ANKZF1: variants seen among roughly 807,000 people sequenced by gnomAD.
The protein encoded by ANKZF1 is ankyrin repeat and zinc finger peptidyl tRNA hydrolase 1, also known as tRNA endonuclease ANKZF1.
A neutral mutation model predicts 86.0 loss-of-function variants in ANKZF1; 84 were observed. That is an observed-to-expected ratio of 0.98 (90% CI 0.82 to 1.17). The LOEUF is 1.17. Among genes scored for constraint, ANKZF1 ranks in the 50% most tolerant of loss-of-function variants. ANKZF1 has a pLI of 0.00. For missense variants in ANKZF1, 893 were observed against 918.4 expected (o/e 0.97, Z 0.36); for synonymous variants, 331 against 354.2 (o/e 0.93, Z 0.74).
chr2:219,230,248 C>T lies in ANKZF1; in HGVS notation c.-10C>T. ...TCCAGGAGCTGCTGCTAAATAATTT[C>T]TGCTCAGCCATGTCGCCGGCTCCAG... On this transcript the variant is annotated 5_prime_UTR_variant, in exon 2 of 14. Transcript: ENST00000323348. The T allele has an allele frequency of 1.2e-6, 2 of 1,611,680 alleles. No homozygotes were observed. Among genetic ancestry groups the T allele is most frequent in the Non-Finnish European group, 1.7e-6 (2 of 1,178,408 alleles).
intron 3 of ANKZF1, 105 bp from the exon 4 acceptor site, chr2:219,232,155 T>G: frequency 7.1e-7 from 1 of 1,414,328 alleles, no homozygotes; most frequent in Non-Finnish European, 9.9e-7. Flanking sequence ...AGGCAGTTGG[T>G]GTTACCTGGT....
rs778803492 is a variant in ANKZF1 at position 219,235,959 on chromosome 2, T to C, written c.1972-51T>C. On this transcript the variant is annotated intron_variant, in intron 12 of 13. Transcript: ENST00000323348. Reference sequence around the variant, plus strand: ...CAGCGTGCAGCTGTCACCTCTTGGGTGCCCTACTCGCCACTGGGGCCTTGT... The same window carrying C: ...CAGCGTGCAGCTGTCACCTCTTGGGCGCCCTACTCGCCACTGGGGCCTTGT... The C allele has an allele frequency of 4.3e-6, 7 of 1,613,954 alleles. No homozygotes were observed. In the South Asian group the frequency reaches 7.7e-5, roughly 18 times the overall value.
At chr2:219,234,395 C>A in intron 9 of ANKZF1, 107 bp downstream of exon 9, 1 of 1,363,846 alleles carries the variant, frequency 7.3e-7, no homozygotes, top group Non-Finnish European at 1.0e-6. Flanking sequence ...AAACACACAC[C>A]CACAGTGTCT....
chr2:219,234,590 TTTCC>T, intron 9 of ANKZF1: 1 of 664,826 alleles, frequency 1.5e-6, no homozygotes, highest in Non-Finnish European at 2.5e-6. Flanking sequence ...GCTTCCATGC[TTTCC>T]TCTATTGTGC....
chr2:219,233,176 G>A lies in ANKZF1; in HGVS notation c.656G>A (p.Gly219Asp), dbSNP rs768414716. ...VLMAAAGHFA[G>D]AIFQGREVVT... ...ATGGCTGCAGCTGGGCACTTTGCTGGTGCTATATTTCAAGGGTGAGAGGGT... is the reference window on the plus strand; with the variant it reads ...ATGGCTGCAGCTGGGCACTTTGCTGATGCTATATTTCAAGGGTGAGAGGGT... The change falls in exon 6 of 14, where the codon GGT (glycine) becomes GAT (aspartate). Residue 219 changes from glycine (G) to aspartate (D), a missense_variant. Gly to Asp is a moderately conservative substitution (Grantham distance 94). Coordinates refer to ENST00000323348, the MANE Select transcript of ANKZF1 (RefSeq NM_018089.3). 53 of 1,614,118 alleles carry A rather than the reference G, an allele frequency of 3.3e-5. No homozygotes were observed. Among genetic ancestry groups the A allele is most frequent in the Non-Finnish European group, 4.3e-5 (51 of 1,180,046 alleles).
In ANKZF1 at chr2:219,233,377, C is replaced by T. The variant is rs1198500816; in HGVS notation, c.763C>T (p.Pro255Ser). ...AQGLRDARGGPSHSAGANLRR... is the reference protein window; with the variant it reads ...AQGLRDARGGSSHSAGANLRR... ...GGGGCTTCGGGATGCCCGAGGTGGG[C>T]CATCACACTCTGCTGGAGCCAACCT... Residue 255 changes from proline (P) to serine (S), a missense_variant, in exon 7 of 14, where the codon CCA (proline) becomes TCA (serine). Physicochemically the swap from Pro to Ser is moderately conservative, Grantham distance 74. Transcript: ENST00000323348. 6.2e-7 allele frequency: 1 copy of T among 1,614,190 alleles called. No individual in the cohort carries two copies. The highest frequency in any genetic ancestry group is 2.2e-5 in the East Asian group (1 of 44,880).
rs1275488533 is a variant in ANKZF1 at position 219,232,022 on chromosome 2, C to T, written c.243C>T (p.Phe81=). 1.9e-6 allele frequency: 3 copies of T among 1,607,848 alleles called. No individual in the cohort carries two copies. Among genetic ancestry groups the T allele is most frequent in the African/African-American group, 2.7e-5 (2 of 74,166 alleles). ...TTTGTTCAACTTGTGACCAGACCTT[C>T]CAGAACCACCAAGAACAGGTAATAG... ...KLFCSTCDQT[F]QNHQEQREHY... is the part of the protein sequence containing the mutation. Residue 81 remains phenylalanine (F), a synonymous_variant, in exon 3 of 14, where the codon TTC becomes TTT. Coordinates refer to ENST00000323348, the MANE Select transcript of ANKZF1 (RefSeq NM_018089.3).
At position 219,235,507 on chromosome 2, in the gene ANKZF1, G is replaced by T; in HGVS notation, c.1725G>T (p.Ala575=). The change falls in exon 11 of 14, where the codon GCG becomes GCT. Residue 575 remains alanine, a synonymous_variant. Transcript: ENST00000323348. The part of the protein sequence containing the change: ...DSRARPPYTV[A]ADKSTRNEFR... Reference sequence around the variant, plus strand: ...GGGCCCGGCCACCTTATACTGTTGCGGCTGACAAATCAACACGTAATGAGT... The same window carrying T: ...GGGCCCGGCCACCTTATACTGTTGCTGCTGACAAATCAACACGTAATGAGT... 1 of 1,613,898 alleles carries T rather than the reference G, an allele frequency of 6.2e-7. No individual in the cohort carries two copies. Among genetic ancestry groups the T allele is most frequent in the Non-Finnish European group, 8.5e-7 (1 of 1,180,010 alleles).
chr2:219,235,215 G>A lies in ANKZF1; in HGVS notation c.1594G>A (p.Gly532Ser). The change falls in exon 10 of 14, where the codon GGC (glycine) becomes AGC (serine). Residue 532 changes from glycine (G) to serine (S), a missense_variant. By Grantham distance (56) the Gly-to-Ser change is moderately conservative. Coordinates refer to ENST00000323348, the MANE Select transcript of ANKZF1 (RefSeq NM_018089.3). ...RVLSLLSAPLGSGGFTLLHAA... is the reference protein window; with the variant it reads ...RVLSLLSAPLSSGGFTLLHAA... ...TCTGTCTCTGCTCAGTGCCCCCTTGGGCTCCGGTGGCTTTACTCTCCTGCA... is the reference window on the plus strand; with the variant it reads ...TCTGTCTCTGCTCAGTGCCCCCTTGAGCTCCGGTGGCTTTACTCTCCTGCA... 6.2e-7 allele frequency: 1 copy of A among 1,613,844 alleles called. No individual in the cohort carries two copies. The highest frequency in any genetic ancestry group is 8.5e-7 in the Non-Finnish European group (1 of 1,180,048).
rs1436155895 is a variant in ANKZF1 at position 219,231,928 on chromosome 2, G to A, written c.149G>A (p.Gly50Asp). 1 of 1,612,634 alleles carries A rather than the reference G, an allele frequency of 6.2e-7. No homozygotes were observed. The highest frequency in any genetic ancestry group is 1.3e-5 in the African/African-American group (1 of 74,964). The change falls in exon 3 of 14, where the codon GGC (glycine) becomes GAC (aspartate). Residue 50 changes from glycine (G) to aspartate (D), a missense_variant and splice_region_variant. Transcript: ENST00000323348. ...LARAPRTSCS[G>D]SGERESPERK... Reference sequence around the variant, plus strand: ...GTCCAATTCCTCTTCCCTTATTTAGGCTCAGGGGAGAGAGAAAGCCCAGAA... The same window carrying A: ...GTCCAATTCCTCTTCCCTTATTTAGACTCAGGGGAGAGAGAAAGCCCAGAA...
At chr2:219,236,170 C>T in intron 13 of ANKZF1, 75 bp downstream of exon 13, 1 of 1,600,502 alleles carries the variant, frequency 6.2e-7, no homozygotes, top group Non-Finnish European at 8.6e-7. Context: ...AAATGAGTAC[C>T]TGCACAGTAT....
intron 13 of ANKZF1, 106 bp from the exon 14 acceptor site, chr2:219,236,216 G>A: frequency 6.2e-7 from 1 of 1,602,610 alleles, no homozygotes. Context: ...GGATGTTCTG[G>A]CAGATGCTGC....
chr2:219,235,650 T>C, intron 11 of ANKZF1, 58 bp from the exon 12 acceptor site: 1 of 1,611,562 alleles, frequency 6.2e-7, no homozygotes, highest in Non-Finnish European at 8.5e-7. Flanking sequence ...AGATCCTTTC[T>C]ACTTCTTGCA....
chr2:219,234,219 GA>G lies in ANKZF1; in HGVS notation c.1137del (p.Glu380LysfsTer2). 1 of 1,614,102 alleles carries G rather than the reference GA, an allele frequency of 6.2e-7. No individual in the cohort carries two copies. Among genetic ancestry groups the G allele is most frequent in the Non-Finnish European group, 8.5e-7 (1 of 1,180,044 alleles). ...AGAGGAGAGAAAGAAGCCTACTGAG[GA>G]AGAAATAAGAAAGATCTGCAGGGAT... The part of the protein sequence containing the change: ...VREERKKPTE[E>X]EIRKICRDEK... On this transcript the variant is annotated frameshift_variant, in exon 9 of 14. Transcript: ENST00000323348. LOFTEE classifies it high-confidence loss of function.
chr2:219,235,973 C>A, intron 12 of ANKZF1, 37 bp from the exon 13 acceptor site: 2 of 1,614,108 alleles, frequency 1.2e-6, no homozygotes, highest in Non-Finnish European at 1.7e-6. Context: ...CTACTCGCCA[C>A]TGGGGCCTTG....
Position 219,230,423 on chromosome 2 carries a change from G to C in ANKZF1, c.148+18G>C, listed in dbSNP as rs968796079. 1 of 1,591,904 alleles carries C rather than the reference G, an allele frequency of 6.3e-7. No homozygotes were observed. The highest frequency in any genetic ancestry group is 8.6e-7 in the Non-Finnish European group (1 of 1,163,978). ...CTGTTCAGGTATCCTGGAAGGTTTC[G>C]TGTGAAACGTGACAGGGCTCCTTAC... On this transcript the variant is annotated intron_variant, in intron 2 of 13. Transcript: ENST00000323348.
At chr2:219,231,768 CTGTTT>C (rs1951044361) in intron 2 of ANKZF1, 155 bp from the exon 3 acceptor site, 1 of 613,774 alleles carries the variant, frequency 1.6e-6, no homozygotes, top group South Asian at 1.9e-5. Context: ...GATTGCTGTA[CTGTTT>C]ATTTCATGAC....
rs1460438635 is a variant in ANKZF1 at position 219,230,302 on chromosome 2, CCT to C, written c.46_47del (p.Leu16ValfsTer2). On this transcript the variant is annotated frameshift_variant, in exon 2 of 14. Transcript: ENST00000323348. LOFTEE classifies it high-confidence loss of function. Reference sequence around the variant, plus strand: ...CAGCCCCGGCTCCTGCGTCGATCTCCCTGTTTGACCTCAGCGCGGATGCTCCG... The same window carrying C: ...CAGCCCCGGCTCCTGCGTCGATCTCCGTTTGACCTCAGCGCGGATGCTCCG... Reference protein sequence around the residue: ...DAAPAPASISLFDLSADAPVF... With the variant: ...DAAPAPASISXFDLSADAPVF... 36 of 1,613,924 alleles carry C rather than the reference CCT, an allele frequency of 2.2e-5. No homozygotes were observed. The highest frequency in any genetic ancestry group is 2.9e-5 in the Non-Finnish European group (34 of 1,179,948).
Position 219,235,503 on chromosome 2 carries a change from T to A in ANKZF1, c.1721T>A (p.Val574Asp). The change falls in exon 11 of 14, where the codon GTT (valine) becomes GAT (aspartate). Residue 574 changes from valine (V) to aspartate (D), a missense_variant. Physicochemically the swap from Val to Asp is radical, Grantham distance 152 (BLOSUM62 -3). Coordinates refer to ENST00000323348, the MANE Select transcript of ANKZF1 (RefSeq NM_018089.3). ...TCTCGGGCCCGGCCACCTTATACTG[T>A]TGCGGCTGACAAATCAACACGTAAT... ...QDSRARPPYT[V>D]AADKSTRNEF... The A allele has an allele frequency of 1.9e-6, 3 of 1,614,036 alleles. No individual in the cohort carries two copies.
Sources: allele counts gnomAD v4.1 joint callset, GRCh38; gene constraint gnomAD v4.1.1; transcripts MANE v1.5; gene names NCBI Gene and HGNC (gene_info 2026-07-23, HGNC 2026-07-21).